Variants in TTC3 observed in about 807,000 individuals in gnomAD.
TTC3 encodes E3 ubiquitin-protein ligase TTC3.
A neutral mutation model predicts 249.6 loss-of-function variants in TTC3; 180 were observed. The ratio of observed to expected loss-of-function variants is 0.72; its 90% CI spans 0.64 to 0.82. TTC3 has a LOEUF of 0.82. Ranked by LOEUF, TTC3 falls within the 40% of genes least tolerant of loss-of-function variation. The probability of loss-of-function intolerance (pLI) is 0.00; values close to 1 mark genes in which losing one functional copy is unlikely to be tolerated. For missense variants in TTC3, 2,061 were observed against 2,398.4 expected (o/e 0.86, Z 2.94); for synonymous variants, 717 against 805.0 (o/e 0.89, Z 1.85).
At chr21:37,168,558 C>T (rs1219075902) in intron 34 of TTC3, among the ~76,000 whole-genome samples, 1 of 151,968 alleles carries the variant, frequency 6.6e-6, no homozygotes, top group Non-Finnish European at 1.5e-5. Context: ...TATGGAGAGA[C>T]ACATAGAAGC....
At chr21:37,118,033 T>C (rs1173772760) in intron 11 of TTC3, among the ~76,000 whole-genome samples, 2 of 151,958 alleles carry the variant, frequency 1.3e-5, no homozygotes, top group Non-Finnish European at 2.9e-5. Flanking sequence ...ATGTGTCGTA[T>C]GATTGCAGAA....
intron 1 of TTC3, among the ~76,000 whole-genome samples, chr21:37,079,064 T>A (rs531275321): frequency 2.2e-3 from 334 of 152,332 alleles, no homozygotes; most frequent in African/African-American, 7.8e-3. Flanking sequence ...ATGAATTCCG[T>A]TTTATAGATT....
At chr21:37,181,176 T>G (rs1249209629) in intron 35 of TTC3, among the ~76,000 whole-genome samples, 1 of 152,242 alleles carries the variant, frequency 6.6e-6, no homozygotes. Flanking sequence ...ACTCATGTGG[T>G]ATTTTCGTTG....
In TTC3 at chr21:37,108,460, G is replaced by C. The variant is rs1264171579; in HGVS notation, c.900+14G>C. On this transcript the variant is annotated intron_variant, in intron 11 of 45. Transcript: ENST00000355666. Reference sequence around the variant, plus strand: ...ACTTGGCCAAAGGTAGGTTTCTTCTGTATTTTATATTGAGCAAATAATGCC... The same window carrying C: ...ACTTGGCCAAAGGTAGGTTTCTTCTCTATTTTATATTGAGCAAATAATGCC... 1 of 1,611,020 alleles carries C rather than the reference G, an allele frequency of 6.2e-7. No individual in the cohort carries two copies.
intron 40 of TTC3, 36 bp from the exon 41 acceptor site, chr21:37,192,076 A>G (rs749880347): frequency 5.4e-6 from 7 of 1,288,508 alleles, no homozygotes; most frequent in African/African-American, 3.0e-5. Context: ...TTAATTGACA[A>G]TTGTGGTTTT....
intron 18 of TTC3, among the ~76,000 whole-genome samples, chr21:37,135,985 A>G (rs2077897050): frequency 6.6e-6 from 1 of 152,158 alleles, no homozygotes. Flanking sequence ...CAATATGTCA[A>G]ACTTTTTCAT....
At chr21:37,118,485 A>G (rs1211699516) in intron 11 of TTC3, among the ~76,000 whole-genome samples, 13 of 152,208 alleles carry the variant, frequency 8.5e-5, no homozygotes, top group Non-Finnish European at 5.9e-5. Context: ...GTTTTGATCT[A>G]TATCATATAG....
At chr21:37,105,387 A>G (rs1010189826) in intron 10 of TTC3, among the ~76,000 whole-genome samples, 1 of 152,184 alleles carries the variant, frequency 6.6e-6, no homozygotes, top group African/African-American at 2.4e-5. Flanking sequence ...CAACAATGTC[A>G]TCAGAGACTT....
exon 11 of TTC3, chr21:37,108,423 A>G (rs150522016): frequency 3.7e-6 from 6 of 1,612,602 alleles, no homozygotes; most frequent in African/African-American, 2.7e-5. Flanking sequence ...GAGAGCCACT[A>G]TTCTGAAGAA....
intron 10 of TTC3, among the ~76,000 whole-genome samples, chr21:37,097,610 G>C (rs2074068799): frequency 6.6e-6 from 1 of 152,178 alleles, no homozygotes; most frequent in Admixed American, 6.5e-5. Flanking sequence ...ACACCAATTG[G>C]TCAGGTGAAA....
At chr21:37,082,721 T>G in intron 1 of TTC3, 1 of 985,422 alleles carries the variant, frequency 1.0e-6, no homozygotes, top group Non-Finnish European at 1.2e-6. Context: ...AGTGTTTTTT[T>G]TTTTAATCTA....
chr21:37,187,295 A>T, intron 38 of TTC3, 150 bp downstream of exon 38: 1 of 595,954 alleles, frequency 1.7e-6, no homozygotes, highest in Non-Finnish European at 2.9e-6. Flanking sequence ...TAAAACGACC[A>T]CTCTTTTTCC....
chr21:37,095,529 A>G, intron 9 of TTC3, 85 bp downstream of exon 9: 1 of 890,914 alleles, frequency 1.1e-6, no homozygotes, highest in Non-Finnish European at 1.7e-6. Context: ...AACAAGACGG[A>G]GAATTGGAGA....
At chr21:37,124,912 A>G (rs2076934350) in intron 14 of TTC3, among the ~76,000 whole-genome samples, 170 bp downstream of exon 14, 1 of 152,230 alleles carries the variant, frequency 6.6e-6, no homozygotes, top group Non-Finnish European at 1.5e-5. Context: ...TATCTCATAT[A>G]ACTACGTAAA....
intron 38 of TTC3, 47 bp from the exon 39 acceptor site, chr21:37,188,448 A>G: frequency 6.9e-7 from 1 of 1,446,352 alleles, no homozygotes; most frequent in South Asian, 1.2e-5. Context: ...AAATAGTTTC[A>G]GGCTGTCATT....
intron 21 of TTC3, among the ~76,000 whole-genome samples, 194 bp from the exon 22 acceptor site, chr21:37,147,287 C>A (rs886378901): frequency 5.9e-5 from 9 of 152,138 alleles, no homozygotes; most frequent in African/African-American, 2.2e-4. Context: ...CTTTTTAAAT[C>A]TCTCTTATGT....
chr21:37,095,731 A>G (rs1343081733), intron 9 of TTC3, among the ~76,000 whole-genome samples: 4 of 152,212 alleles, frequency 2.6e-5, no homozygotes, highest in African/African-American at 7.2e-5. Context: ...TCATTTTGCT[A>G]TCAACCAAGT....
rs141238323 is a variant in TTC3, at chr21:37,124,828, A to C, written c.1233+86A>C. 8.0e-5 allele frequency: 120 copies of C among 1,492,014 alleles called. No individual in the cohort carries two copies. The African/African-American group carries it at 1.4e-3, about 17-fold the overall frequency. The allele number at this position is 1,492,014 out of a possible 1,614,324, so 92.4% of individuals were successfully genotyped here. On this transcript the variant is annotated intron_variant, in intron 14 of 45. Transcript: ENST00000355666. The stretch of plus-strand genomic sequence containing the variant: ...AATATTTTGGTGGTAATAGAAACCA[A>C]ATTTTTGGCGATTTGAACCCTTTTT...
chr21:37,105,212 A>G (rs1186536243), intron 10 of TTC3, among the ~76,000 whole-genome samples: 1 of 152,162 alleles, frequency 6.6e-6, no homozygotes, highest in African/African-American at 2.4e-5. Context: ...CATGCCAATT[A>G]GATGGGGTTG....
Sources: gnomAD v4.1 joint callset for allele counts (sites outside exome capture counted in the v4.1 genomes callset) on GRCh38, gnomAD v4.1.1 for gene constraint, MANE v1.5 for transcripts, NCBI Gene and HGNC (gene_info 2026-07-23, HGNC 2026-07-21) for gene names.